Variants in UNC13A observed in about 807,000 individuals in gnomAD.
UNC13A encodes the protein unc-13 homolog A.
Under a neutral mutation model 219.7 loss-of-function variants are expected in UNC13A, and 61 were observed. The ratio of observed to expected loss-of-function variants is 0.28; its 90% confidence interval spans 0.23 to 0.34. The LOEUF (loss-of-function observed/expected upper bound fraction) is 0.34, where lower values mean the gene tolerates loss of function less well. UNC13A is among the 10% of genes least tolerant of loss of function. The pLI is 1.00. For synonymous variants in UNC13A, 920 were observed against 884.6 expected (o/e 1.04, Z -0.71); for missense variants, 1,476 against 2,270.3 (o/e 0.65, Z 7.11).
At chr19:17,680,233 CG>C (rs1170120605) in intron 1 of UNC13A, among the ~76,000 whole-genome samples, 3 of 152,136 alleles carry the variant, frequency 2.0e-5, no homozygotes, top group African/African-American at 4.8e-5. Context: ...CTGTCTTCCC[CG>C]GTCAGTAAAT....
In UNC13A at chr19:17,674,823, T is replaced by A; in HGVS notation, c.53-67A>T. 7.4e-7 allele frequency: 1 copy of A among 1,356,892 alleles called. No individual in the cohort carries two copies. The allele number at this position is 1,356,892 out of a possible 1,614,324, so 84.1% of individuals were successfully genotyped here. ...CTCTCCAATGCCCCTTCCCAAGCTC[T>A]AGACCATCTGCTGTGATCCCCTCAG... On this transcript the variant is annotated intron_variant, in intron 2 of 43. Coordinates refer to ENST00000519716, the MANE Select transcript of UNC13A (RefSeq NM_001080421.3). The surrounding 1 kb of genome is among the most constrained non-coding windows in gnomAD (Gnocchi z 5.0).
At position 17,629,292 on chromosome 19, in the gene UNC13A, T is replaced by A; in HGVS notation, c.3701A>T (p.Asp1234Val). 2 of 1,612,420 alleles carry A rather than the reference T, an allele frequency of 1.2e-6. No individual in the cohort carries two copies. The highest frequency in any genetic ancestry group is 1.7e-6 in the Non-Finnish European group (2 of 1,179,372). The change falls in exon 31 of 44, where the codon GAC (aspartate) becomes GTC (valine). Residue 1234 changes from aspartate (D) to valine (V), a missense_variant. Physicochemically the swap from Asp to Val is radical, Grantham distance 152. Around this residue, in one of 14 missense-constraint regions of UNC13A, gnomAD observed 218 missense variants for 409.4 expected, o/e 0.53. Coordinates refer to ENST00000519716, the MANE Select transcript of UNC13A (RefSeq NM_001080421.3). ...GGAGGCAAAGTCCTTGGAGATGATG[T>A]CTGCATACTGGAGGAGCACATTACT... Reference protein sequence around the residue: ...TISNVLLQYADIISKDFASYC... With the variant: ...TISNVLLQYAVIISKDFASYC...
rs1568509714 is a variant in UNC13A, at chr19:17,627,361, G to A, written c.3920+148C>T. ...TCACCCAAGGCCACACAGCTAGTAA[G>A]CAGTAAAGCCAAGATTTGAACTCAG... On this transcript the variant is annotated intron_variant, in intron 33 of 43. Coordinates refer to ENST00000519716, the MANE Select transcript of UNC13A (RefSeq NM_001080421.3). This position sits in a 1 kb window ranked among gnomAD's most constrained non-coding sequence, Gnocchi z 4.7. The A allele has an allele frequency of 4.7e-6, 3 of 632,898 alleles. No individual in the cohort carries two copies. Among genetic ancestry groups the A allele is most frequent in the Admixed American group, 2.9e-5 (1 of 34,338 alleles). The allele number at this position is 632,898 out of a possible 1,614,324, so 39.2% of individuals were successfully genotyped here.
intron 5 of UNC13A, among the ~76,000 whole-genome samples, chr19:17,668,927 T>G (rs1040620460): frequency 6.6e-6 from 1 of 152,164 alleles, no homozygotes. Context: ...TCCCAAATAG[T>G]TGGGACTACA....
At chr19:17,665,727 C>G (rs910820947) in intron 7 of UNC13A, among the ~76,000 whole-genome samples, 2 of 152,190 alleles carry the variant, frequency 1.3e-5, no homozygotes, top group African/African-American at 4.8e-5. Flanking sequence ...CTGTCTGCAC[C>G]ATCTGACGTG....
chr19:17,609,860 C>T (rs2076582783), intron 43 of UNC13A, 80 bp downstream of exon 43: 6 of 1,590,002 alleles, frequency 3.8e-6, no homozygotes, highest in Non-Finnish European at 3.4e-6. Flanking sequence ...CCAGATACCT[C>T]CTGCCTAGCT....
chr19:17,662,777 G>A lies in UNC13A; in HGVS notation c.559+755C>T, dbSNP rs556149869. Among the ~76,000 whole-genome samples the A allele has an allele frequency of 5.9e-4, 90 of 152,164 alleles. 1 individual carries two copies. The highest frequency in any genetic ancestry group is 6.6e-4 in the Admixed American group (10 of 15,262). On this transcript the variant is annotated intron_variant, in intron 8 of 43. Transcript: ENST00000519716. ...CTACTAAAAATACAAAAAATTAGCC[G>A]GGCGTGTTGGCGGACGCCTTTAGTC...
chr19:17,633,272 CAG>C, intron 26 of UNC13A, 79 bp from the exon 27 acceptor site: 1 of 1,276,418 alleles, frequency 7.8e-7, no homozygotes, highest in Non-Finnish European at 1.1e-6. Flanking sequence ...CCCTGCCCCA[CAG>C]AGGAGTGTAG....
chr19:17,682,047 G>T (rs1271339611), intron 1 of UNC13A, among the ~76,000 whole-genome samples: 2 of 151,292 alleles, frequency 1.3e-5, no homozygotes, highest in Non-Finnish European at 2.9e-5. Context: ...CCGCCTTCGG[G>T]GCTTAAGCGA....
chr19:17,627,312 T>A lies in UNC13A; in HGVS notation c.3920+197A>T, dbSNP rs1281552170. On this transcript the variant is annotated intron_variant, in intron 33 of 43. Coordinates refer to ENST00000519716, the MANE Select transcript of UNC13A (RefSeq NM_001080421.3). This position sits in a 1 kb window ranked among gnomAD's most constrained non-coding sequence, Gnocchi z 4.7. ...ATTTACAGAGCAATAAAAAAAAAAA[T>A]AAGGCTCAGAGAAGTTAAGTGACTC... Among the ~76,000 whole-genome samples, 1 of 151,272 alleles carries A rather than the reference T, an allele frequency of 6.6e-6. No individual in the cohort carries two copies. The highest frequency in any genetic ancestry group is 2.4e-5 in the African/African-American group (1 of 41,022).
chr19:17,653,550 T>C (rs1365650699), intron 11 of UNC13A, among the ~76,000 whole-genome samples: 2 of 152,072 alleles, frequency 1.3e-5, no homozygotes, highest in East Asian at 3.9e-4. Flanking sequence ...GGTTTCACTA[T>C]GTTGGCCAGG....
chr19:17,670,137 G>A (rs1185028166), intron 4 of UNC13A, among the ~76,000 whole-genome samples: 12 of 151,616 alleles, frequency 7.9e-5, no homozygotes, highest in Non-Finnish European at 1.8e-4. Flanking sequence ...TAGTAGAGAC[G>A]GGGTTTCACC....
intron 19 of UNC13A, among the ~76,000 whole-genome samples, chr19:17,644,593 G>A (rs928199142): frequency 6.4e-5 from 9 of 140,596 alleles, no homozygotes; most frequent in African/African-American, 2.4e-4. Context: ...GCTTGATCTC[G>A]CCATGTTGGA....
intron 1 of UNC13A, among the ~76,000 whole-genome samples, chr19:17,682,046 G>A (rs575741078): frequency 8.6e-5 from 13 of 151,206 alleles, no homozygotes; most frequent in Non-Finnish European, 1.8e-4. Context: ...TCCGCCTTCG[G>A]GGCTTAAGCG....
intron 19 of UNC13A, among the ~76,000 whole-genome samples, chr19:17,643,712 C>A (rs1599369009): frequency 6.6e-6 from 1 of 152,294 alleles, no homozygotes; most frequent in East Asian, 1.9e-4. Context: ...TAAGCCCTGT[C>A]TCTTCCTTCA....
chr19:17,619,976 G>C (rs1484447406), intron 38 of UNC13A, among the ~76,000 whole-genome samples: 1 of 152,218 alleles, frequency 6.6e-6, no homozygotes, highest in East Asian at 1.9e-4. Flanking sequence ...AGTCTGGACT[G>C]AACAAGTCTT....
chr19:17,668,313 T>A, intron 5 of UNC13A, 123 bp from the exon 6 acceptor site: 1 of 892,084 alleles, frequency 1.1e-6, no homozygotes, highest in Non-Finnish European at 1.7e-6. Context: ...GCCTCAGAAG[T>A]AGGGGTGGGT....
chr19:17,634,972 G>A (rs868096004), intron 26 of UNC13A, among the ~76,000 whole-genome samples: 9 of 152,022 alleles, frequency 5.9e-5, no homozygotes, highest in East Asian at 1.9e-4. Flanking sequence ...CTGGGTTCAC[G>A]CCATTCTCCT....
At chr19:17,619,547 C>A (rs554519793) in intron 38 of UNC13A, among the ~76,000 whole-genome samples, 1 of 151,802 alleles carries the variant, frequency 6.6e-6, no homozygotes, top group Non-Finnish European at 1.5e-5. Context: ...GCAATCCTCC[C>A]GCCTCCCCAG....
Sources: allele counts gnomAD v4.1 joint callset (sites outside exome capture counted in the v4.1 genomes callset), GRCh38; gene constraint gnomAD v4.1.1; regional missense constraint gnomAD v4.1.1; non-coding constraint Gnocchi (gnomAD v3.1); transcripts MANE v1.5; gene names NCBI Gene and HGNC (gene_info 2026-07-23, HGNC 2026-07-21).